PCDHA2: variants seen among roughly 807,000 people sequenced by gnomAD.
PCDHA2 encodes the protein protocadherin alpha-2.
PCDHA2 carries 58 observed loss-of-function variants against 66.0 expected under a neutral mutation model. The ratio of observed to expected loss-of-function variants is 0.88; its 90% CI spans 0.71 to 1.09. PCDHA2 has a LOEUF of 1.09. PCDHA2 is among the 50% of genes least tolerant of loss of function. The probability of loss-of-function intolerance (pLI) is 0.00; values close to 1 mark genes in which losing one functional copy is unlikely to be tolerated. For missense variants in PCDHA2, 1,267 were observed against 1,242.3 expected, an observed-to-expected ratio of 1.02 and a Z score of -0.30; for synonymous variants, 634 against 554.0, an observed-to-expected ratio of 1.14 and a Z score of -2.03.
intron 3 of PCDHA2, among the ~76,000 whole-genome samples, chr5:141,005,884 T>A (rs1554260408): frequency 6.6e-6 from 1 of 151,744 alleles, no homozygotes; most frequent in Non-Finnish European, 1.5e-5. Context: ...GAGTTTGAGG[T>A]TACATCAAGC....
intron 1 of PCDHA2, chr5:140,815,922 A>G (rs1209942004): frequency 6.6e-6 from 1 of 152,132 alleles, no homozygotes; most frequent in Non-Finnish European, 1.5e-5. Flanking sequence ...TCTGGATGGC[A>G]AGGTTTCTAC....
At chr5:140,924,028 G>A (rs908427261) in intron 1 of PCDHA2, among the ~76,000 whole-genome samples, 2 of 152,158 alleles carry the variant, frequency 1.3e-5, no homozygotes, top group South Asian at 4.1e-4. Context: ...TGGAGGCATG[G>A]CTGCAGACCT....
At chr5:140,818,367 A>C (rs1766343282) in intron 1 of PCDHA2, among the ~76,000 whole-genome samples, 1 of 152,220 alleles carries the variant, frequency 6.6e-6, no homozygotes, top group African/African-American at 2.4e-5. Context: ...TTGAATTCTT[A>C]ACTTGAATCG....
chr5:141,000,393 C>A (rs60881126), intron 3 of PCDHA2, among the ~76,000 whole-genome samples: 1,562 of 52,558 alleles, frequency 0.03, 14 homozygotes, highest in East Asian at 0.037. Context: ...CTCTCTCTCT[C>A]TCTATATATA....
chr5:140,864,439 T>A (rs2048478325), intron 1 of PCDHA2: 1 of 152,242 alleles, frequency 6.6e-6, no homozygotes, highest in South Asian at 2.1e-4. Flanking sequence ...CAATTTTGTT[T>A]CTTCATGATC....
At chr5:140,955,157 T>A (rs1554221797) in intron 1 of PCDHA2, among the ~76,000 whole-genome samples, 1 of 152,198 alleles carries the variant, frequency 6.6e-6, no homozygotes, top group Non-Finnish European at 1.5e-5. Context: ...ACCAGTACCG[T>A]GCTGTTTTGG....
chr5:140,807,451 T>G (rs1554124021), intron 1 of PCDHA2: 3 of 1,606,822 alleles, frequency 1.9e-6, no homozygotes, highest in Middle Eastern at 1.8e-4. Context: ...TTGTGAATTC[T>G]CGGATCGACC....
At chr5:140,968,845 G>A in intron 1 of PCDHA2, 1 of 1,614,176 alleles carries the variant, frequency 6.2e-7, no homozygotes. Flanking sequence ...ACACTCAGAG[G>A]CATGTTAAGA....
intron 2 of PCDHA2, among the ~76,000 whole-genome samples, chr5:140,981,687 A>ATCATTCAT (rs200213847): frequency 0.01 from 1,586 of 152,088 alleles, 32 homozygotes; most frequent in African/African-American, 0.036. Flanking sequence ...CCTCCCTTCC[A>ATCATTCAT]TCATTCATTC....
chr5:140,870,475 G>T, intron 1 of PCDHA2: 2 of 1,614,214 alleles, frequency 1.2e-6, no homozygotes, highest in Non-Finnish European at 1.7e-6. Flanking sequence ...CGCACAGCCC[G>T]AGTACACCGT....
At chr5:140,874,117 T>C (rs1349618614) in intron 1 of PCDHA2, among the ~76,000 whole-genome samples, 2 of 152,248 alleles carry the variant, frequency 1.3e-5, no homozygotes, top group Admixed American at 1.3e-4. Context: ...TAACGTTTTA[T>C]AGTTTATTTA....
intron 1 of PCDHA2, among the ~76,000 whole-genome samples, chr5:140,945,574 G>C (rs2153670366): frequency 6.6e-6 from 1 of 151,978 alleles, no homozygotes; most frequent in Middle Eastern, 3.4e-3. Context: ...ATACTACCTG[G>C]CTTCAAAATA....
chr5:140,817,444 A>G (rs1393143626), intron 1 of PCDHA2: 3 of 152,250 alleles, frequency 2.0e-5, no homozygotes, highest in Non-Finnish European at 2.9e-5. Context: ...GGGGATTCCT[A>G]TAACAGCATC....
chr5:141,000,415 ATATATATTTTTTT>A (rs1176788591), intron 3 of PCDHA2, among the ~76,000 whole-genome samples: 1 of 87,398 alleles, frequency 1.1e-5, no homozygotes, highest in Non-Finnish European at 2.1e-5. Flanking sequence ...ATATATATAT[ATATATATTTTTTT>A]TTTTTTTTTT....
At chr5:140,972,909 G>T (rs999939821) in intron 1 of PCDHA2, among the ~76,000 whole-genome samples, 18 of 151,942 alleles carry the variant, frequency 1.2e-4, no homozygotes, top group African/African-American at 4.4e-4. Flanking sequence ...TGATCCACCC[G>T]CCTTGGCCTC....
chr5:140,929,022 C>T (rs17844367), intron 1 of PCDHA2: 4 of 1,614,172 alleles, frequency 2.5e-6, no homozygotes, highest in Admixed American at 3.3e-5. Context: ...TGCACCAGAG[C>T]CCAGGCTGTT....
chr5:141,002,335 ACC>A (rs1554258611), intron 3 of PCDHA2, among the ~76,000 whole-genome samples: 81 of 152,230 alleles, frequency 5.3e-4, no homozygotes, highest in African/African-American at 2.0e-3. Flanking sequence ...CTGCATCCGC[ACC>A]CCTTCCCCCA....
At chr5:140,869,788 T>C (rs782425741) in intron 1 of PCDHA2, 4 of 1,612,892 alleles carry the variant, frequency 2.5e-6, no homozygotes, top group African/African-American at 1.3e-5. Context: ...CGTTCGGCTG[T>C]TAGTCCAAGT....
At chr5:140,828,142 G>A in intron 1 of PCDHA2, 2 of 1,613,968 alleles carry the variant, frequency 1.2e-6, no homozygotes, top group African/African-American at 1.3e-5. Flanking sequence ...TGCTCCTCCC[G>A]CTTCTGCTCC....
Sources: gnomAD v4.1 joint callset for allele counts (sites outside exome capture counted in the v4.1 genomes callset) on GRCh38, gnomAD v4.1.1 for gene constraint, MANE v1.5 for transcripts, NCBI Gene and HGNC (gene_info 2026-07-23, HGNC 2026-07-21) for gene names.